Variants in STPG2 observed in about 807,000 individuals in gnomAD.
STPG2 encodes sperm-tail PG-rich repeat-containing protein 2.
In STPG2, 56 loss-of-function variants were observed where a neutral mutation model predicts 54.2. The observed-to-expected ratio is 1.03, with a 90% confidence interval of 0.83 to 1.29. The LOEUF is 1.29. STPG2 is among the 50% of genes most tolerant of loss of function. The pLI, the probability that STPG2 is intolerant of heterozygous loss-of-function variation, is 0.00. For synonymous variants in STPG2, 200 were observed against 181.8 expected (o/e 1.10, Z -0.81); for missense variants, 596 against 544.9 (o/e 1.09, Z -0.93).
intron 10 of STPG2, among the ~76,000 whole-genome samples, chr4:97,662,083 ATAGAG>A (rs1354211939): frequency 6.6e-6 from 1 of 152,176 alleles, no homozygotes; most frequent in Non-Finnish European, 1.5e-5. Context: ...TAAATTATCA[ATAGAG>A]TAAACAGACA....
intron 10 of STPG2, among the ~76,000 whole-genome samples, chr4:97,653,115 G>GATAGATAGA (rs1553946793): frequency 4.1e-5 from 6 of 144,840 alleles, no homozygotes; most frequent in South Asian, 2.2e-4. Flanking sequence ...AGATAGATAG[G>GATAGATAGA]TAGATAGATA....
intron 10 of STPG2, among the ~76,000 whole-genome samples, chr4:97,586,933 T>C (rs1733016580): frequency 6.6e-6 from 1 of 151,904 alleles, no homozygotes; most frequent in Admixed American, 6.6e-5. Flanking sequence ...TTCCTTTTTC[T>C]CATGAGTTTT....
intron 10 of STPG2, among the ~76,000 whole-genome samples, chr4:97,638,361 T>G (rs2148942261): frequency 6.6e-6 from 1 of 152,232 alleles, no homozygotes; most frequent in Admixed American, 6.5e-5. Flanking sequence ...GATTAAAGAC[T>G]TAAACATTAG....
At chr4:97,881,452 C>T (rs1730372791) in intron 8 of STPG2, among the ~76,000 whole-genome samples, 1 of 152,084 alleles carries the variant, frequency 6.6e-6, no homozygotes, top group Admixed American at 6.6e-5. Context: ...ATTTTCTATA[C>T]TTTTGGCTAA....
intron 5 of STPG2, among the ~76,000 whole-genome samples, chr4:98,050,099 T>A (rs1737271108): frequency 6.6e-6 from 1 of 152,176 alleles, no homozygotes. Context: ...AATTACAATG[T>A]ATGGATCTTA....
chr4:97,647,110 T>A (rs1372173223), intron 10 of STPG2, among the ~76,000 whole-genome samples: 2 of 152,122 alleles, frequency 1.3e-5, no homozygotes, highest in Non-Finnish European at 1.5e-5. Context: ...CAATAATAAA[T>A]CTGAATCTCA....
intron 10 of STPG2, among the ~76,000 whole-genome samples, chr4:97,626,133 ATG>A (rs1439349993): frequency 6.6e-6 from 1 of 152,190 alleles, no homozygotes; most frequent in Admixed American, 6.5e-5. Context: ...ACATATTTAC[ATG>A]TGTCTTAATA....
intron 9 of STPG2, among the ~76,000 whole-genome samples, chr4:97,770,067 C>T (rs1030455794): frequency 5.9e-5 from 9 of 151,954 alleles, no homozygotes; most frequent in Middle Eastern, 3.4e-3. Context: ...AAAAATTACA[C>T]GGGCATAGTT....
At chr4:97,797,294 T>G (rs561169056) in intron 9 of STPG2, among the ~76,000 whole-genome samples, 1 of 152,200 alleles carries the variant, frequency 6.6e-6, no homozygotes, top group Admixed American at 6.5e-5. Context: ...TTCCAGTTTT[T>G]GCCCATTCAG....
chr4:98,102,918 A>G (rs1265355729), intron 5 of STPG2, among the ~76,000 whole-genome samples: 4 of 149,046 alleles, frequency 2.7e-5, no homozygotes, highest in Non-Finnish European at 5.9e-5. Flanking sequence ...ACAAATAATT[A>G]TAATCATATA....
At chr4:98,135,059 T>A (rs766684113) in intron 1 of STPG2, among the ~76,000 whole-genome samples, 40 of 151,772 alleles carry the variant, frequency 2.6e-4, no homozygotes, top group Non-Finnish European at 3.4e-4. Context: ...ACTGAAAAAC[T>A]GGTACTAAAA....
At chr4:97,805,034 C>T (rs574314654) in intron 9 of STPG2, among the ~76,000 whole-genome samples, 2 of 152,098 alleles carry the variant, frequency 1.3e-5, no homozygotes, top group Non-Finnish European at 2.9e-5. Context: ...TTTCTCAGAG[C>T]ATATTTCCAT....
At chr4:97,854,721 C>T (rs1026678250) in intron 8 of STPG2, among the ~76,000 whole-genome samples, 2 of 151,900 alleles carry the variant, frequency 1.3e-5, no homozygotes, top group African/African-American at 4.8e-5. Context: ...AGGCAGGTAC[C>T]AATTTTATTA....
chr4:97,638,571 G>A (rs942469101), intron 10 of STPG2, among the ~76,000 whole-genome samples: 2 of 150,176 alleles, frequency 1.3e-5, no homozygotes, highest in African/African-American at 5.0e-5. Context: ...TACAAAATGG[G>A]AGAAAATTTT....
chr4:97,791,099 A>G (rs1338833817), intron 9 of STPG2, among the ~76,000 whole-genome samples: 1 of 152,120 alleles, frequency 6.6e-6, no homozygotes, highest in African/African-American at 2.4e-5. Context: ...ATTATTTCTT[A>G]CTGACATAGG....
chr4:98,087,568 T>C (rs1046582731), intron 5 of STPG2, among the ~76,000 whole-genome samples: 6 of 149,778 alleles, frequency 4.0e-5, no homozygotes, highest in Non-Finnish European at 5.9e-5. Context: ...TTCTTTTTTT[T>C]TTTTTTTTTT....
intron 9 of STPG2, among the ~76,000 whole-genome samples, chr4:97,835,790 A>G (rs115320730): frequency 6.6e-6 from 1 of 152,124 alleles, no homozygotes; most frequent in African/African-American, 2.4e-5. Flanking sequence ...CAAAAGATGA[A>G]CACAAACAGA....
chr4:97,912,825 T>C (rs1731731403), intron 8 of STPG2, among the ~76,000 whole-genome samples: 1 of 152,200 alleles, frequency 6.6e-6, no homozygotes, highest in Admixed American at 6.5e-5. Flanking sequence ...CTCTAGATGA[T>C]TCTAAGAAGC....
At chr4:98,034,267 A>T (rs1736697618) in intron 5 of STPG2, among the ~76,000 whole-genome samples, 1 of 152,202 alleles carries the variant, frequency 6.6e-6, no homozygotes. Context: ...CAGGATACAA[A>T]ATCAAGGTGC....
Sources: gnomAD v4.1 joint callset for allele counts (sites outside exome capture counted in the v4.1 genomes callset) on GRCh38, gnomAD v4.1.1 for gene constraint, MANE v1.5 for transcripts, NCBI Gene and HGNC (gene_info 2026-07-23, HGNC 2026-07-21) for gene names.